The following RNF216 variants were observed in gnomAD, a reference collection of about 807,000 sequenced individuals.
The protein encoded by RNF216 is E3 ubiquitin-protein ligase RNF216.
In RNF216, 72 loss-of-function variants were observed where a neutral mutation model predicts 110.8. The ratio of observed to expected loss-of-function variants is 0.65; its 90% CI spans 0.54 to 0.79. The LOEUF is 0.79. Among genes scored for constraint, RNF216 ranks in the 30% least tolerant of loss-of-function variants. The pLI is 0.00. For synonymous variants in RNF216, 495 were observed against 407.5 expected, an observed-to-expected ratio of 1.21 and a Z score of -2.59; for missense variants, 1,342 against 1,141.2, an observed-to-expected ratio of 1.18 and a Z score of -2.54.
chr7:5,698,410 C>CACACAT (rs1393180139), intron 13 of RNF216, among the ~76,000 whole-genome samples: 1 of 147,694 alleles, frequency 6.8e-6, no homozygotes, highest in Non-Finnish European at 1.5e-5. Flanking sequence ...CACACACACA[C>CACACAT]ACACATACAC....
chr7:5,722,581 G>A (rs574469612), intron 8 of RNF216, among the ~76,000 whole-genome samples: 9 of 151,600 alleles, frequency 5.9e-5, no homozygotes, highest in East Asian at 2.0e-4. Flanking sequence ...TAGTAAAGAC[G>A]GGGTTTCACT....
intron 5 of RNF216, among the ~76,000 whole-genome samples, chr7:5,735,441 A>G (rs560665796): frequency 6.6e-6 from 1 of 152,356 alleles, no homozygotes; most frequent in South Asian, 2.1e-4. Context: ...GGTTAAAGAA[A>G]TTAAAAAAAG....
intron 14 of RNF216, among the ~76,000 whole-genome samples, chr7:5,642,268 A>T (rs541145303): frequency 6.6e-6 from 1 of 150,900 alleles, no homozygotes; most frequent in East Asian, 2.0e-4. Context: ...CCTGGGGCAC[A>T]GTGGCTCCAT....
At chr7:5,715,595 G>C (rs1302587475) in intron 10 of RNF216, among the ~76,000 whole-genome samples, 3 of 46,952 alleles carry the variant, frequency 6.4e-5, no homozygotes, top group Admixed American at 2.7e-4. Context: ...TTGTCATAAG[G>C]AGTGTGAATG....
chr7:5,682,856 G>T (rs6963764), intron 13 of RNF216, among the ~76,000 whole-genome samples: 6 of 152,066 alleles, frequency 3.9e-5, no homozygotes, highest in African/African-American at 1.4e-4. Context: ...TCTATTCTAA[G>T]GAATAATTCT....
chr7:5,754,431 C>A (rs550005018), intron 2 of RNF216, among the ~76,000 whole-genome samples: 2 of 152,120 alleles, frequency 1.3e-5, no homozygotes, highest in African/African-American at 4.8e-5. Context: ...CAAGAAGTCA[C>A]TGGGATGACA....
At chr7:5,781,167 T>G (rs942785618) in intron 1 of RNF216, among the ~76,000 whole-genome samples, 8 of 151,776 alleles carry the variant, frequency 5.3e-5, no homozygotes, top group African/African-American at 1.9e-4. Context: ...CAGGCCGCGC[T>G]CGGGTGCACG....
At chr7:5,650,559 T>A (rs1042836068) in intron 14 of RNF216, among the ~76,000 whole-genome samples, 2 of 152,076 alleles carry the variant, frequency 1.3e-5, no homozygotes, top group Non-Finnish European at 2.9e-5. Flanking sequence ...GTTGAGGTTG[T>A]AGGACCGGGG....
At chr7:5,641,523 G>T in intron 14 of RNF216, 147 bp from the exon 15 acceptor site, 1 of 670,524 alleles carries the variant, frequency 1.5e-6, no homozygotes, top group Non-Finnish European at 2.5e-6. Context: ...AGGTTTTGGA[G>T]TCTGAGAACT....
Position 5,680,441 on chromosome 7 carries a change from C to T in RNF216, c.2062-27931G>A, listed in dbSNP as rs962261157. The T allele has an allele frequency of 6.6e-6, 1 of 152,200 alleles. No individual in the cohort carries two copies. Among genetic ancestry groups the T allele is most frequent in the Non-Finnish European group, 1.5e-5 (1 of 68,080 alleles). The allele number at this position is 152,200 out of a possible 1,614,324, so 9.4% of individuals were successfully genotyped here. ...TTGTTGAGACGGAGTCTTGCCCTGT[C>T]GCCAGCCTGGAGAGCAGTGGTGCGA... On this transcript the variant is annotated intron_variant, in intron 13 of 16. Transcript: ENST00000389902. This position sits in a 1 kb window ranked among gnomAD's most constrained non-coding sequence, Gnocchi z 4.3.
At chr7:5,627,985 C>T (rs1275644045) in intron 15 of RNF216, among the ~76,000 whole-genome samples, 1 of 152,176 alleles carries the variant, frequency 6.6e-6, no homozygotes, top group African/African-American at 2.4e-5. Flanking sequence ...GAGGCACCTG[C>T]ATAGGAGCGC....
chr7:5,675,977 G>C (rs1790263119), intron 13 of RNF216, among the ~76,000 whole-genome samples: 1 of 151,410 alleles, frequency 6.6e-6, no homozygotes, highest in East Asian at 1.9e-4. Context: ...CCAAAGTGCT[G>C]GGATTACAGG....
intron 13 of RNF216, among the ~76,000 whole-genome samples, chr7:5,704,407 C>G (rs1002823678): frequency 6.6e-6 from 1 of 152,090 alleles, no homozygotes; most frequent in Non-Finnish European, 1.5e-5. Flanking sequence ...CAAGGATTAG[C>G]GACTGCTTTA....
At chr7:5,631,840 G>T (rs1787090519) in intron 15 of RNF216, among the ~76,000 whole-genome samples, 1 of 147,746 alleles carries the variant, frequency 6.8e-6, no homozygotes, top group South Asian at 2.1e-4. Context: ...ACACTTCACT[G>T]TCAAGCCCAC....
chr7:5,698,110 A>G (rs1324761092), intron 13 of RNF216, among the ~76,000 whole-genome samples: 2 of 152,190 alleles, frequency 1.3e-5, no homozygotes, highest in African/African-American at 4.8e-5. Flanking sequence ...TTCATCTGAG[A>G]AACTCTCTTA....
intron 2 of RNF216, among the ~76,000 whole-genome samples, chr7:5,755,188 G>A (rs1282931633): frequency 7.2e-6 from 1 of 138,148 alleles, no homozygotes; most frequent in African/African-American, 2.7e-5. Flanking sequence ...AAAGGAAGAA[G>A]GAAGGAAGGA....
rs1046414230 is a variant in RNF216 at position 5,775,814 on chromosome 7, A to G, written c.-70+5727T>C. ...AACCCGGGATGCAAAGCTTGCAGTG[A>G]GCCTAGAATGCGCCACTGCACTCCT... On this transcript the variant is annotated intron_variant, in intron 1 of 16. Transcript: ENST00000389902. 2.0e-5 allele frequency among the ~76,000 whole-genome samples: 3 copies of G among 151,628 alleles called. No homozygotes were observed. The East Asian group carries it at 5.8e-4, about 29-fold the overall frequency.
intron 5 of RNF216, among the ~76,000 whole-genome samples, chr7:5,732,395 T>C (rs994535815): frequency 8.5e-5 from 13 of 152,210 alleles, no homozygotes; most frequent in Non-Finnish European, 1.6e-4. Context: ...AAGTAAATGA[T>C]ACATAAATAC....
intron 13 of RNF216, among the ~76,000 whole-genome samples, chr7:5,665,411 C>A (rs1789442994): frequency 6.6e-6 from 1 of 152,122 alleles, no homozygotes; most frequent in African/African-American, 2.4e-5. Flanking sequence ...CACACCTCAC[C>A]TACCATTTCT....
Sources: gnomAD v4.1 joint callset for allele counts (sites outside exome capture counted in the v4.1 genomes callset) on GRCh38, gnomAD v4.1.1 for gene constraint, Gnocchi (gnomAD v3.1) non-coding constraint, MANE v1.5 for transcripts, NCBI Gene and HGNC (gene_info 2026-07-23, HGNC 2026-07-21) for gene names.